SECISBP2L: variants seen among roughly 807,000 people sequenced by gnomAD.
SECISBP2L encodes the protein selenocysteine insertion sequence-binding protein 2-like.
Under a neutral mutation model 114.7 loss-of-function variants are expected in SECISBP2L, and 43 were observed. The ratio of observed to expected loss-of-function variants is 0.38; its 90% CI spans 0.29 to 0.48. SECISBP2L has a LOEUF of 0.48. Among genes scored for constraint, SECISBP2L ranks in the 20% least tolerant of loss-of-function variants. The probability of loss-of-function intolerance (pLI) is 0.98; values close to 1 mark genes in which losing one functional copy is unlikely to be tolerated. For missense variants in SECISBP2L, 1,136 were observed against 1,301.1 expected, an observed-to-expected ratio of 0.87 and a Z score of 1.95; for synonymous variants, 451 against 439.7, an observed-to-expected ratio of 1.03 and a Z score of -0.32.
intron 7 of SECISBP2L, among the ~76,000 whole-genome samples, chr15:49,026,098 A>G (rs1038457882): frequency 1.3e-5 from 2 of 152,166 alleles, no homozygotes; most frequent in South Asian, 2.1e-4. Flanking sequence ...CTAGAGGACA[A>G]TATGTTAAGT....
intron 11 of SECISBP2L, among the ~76,000 whole-genome samples, chr15:49,015,258 C>A (rs78833400): frequency 6.6e-6 from 1 of 152,142 alleles, no homozygotes; most frequent in African/African-American, 2.4e-5. Flanking sequence ...ACACTGCTAA[C>A]TCTCAGTTTT....
In SECISBP2L at chr15:48,993,098, AGAGT is replaced by A. The variant is rs1246234937; in HGVS notation, c.2624-176_2624-173del. Among the ~76,000 whole-genome samples the A allele has an allele frequency of 4.9e-5, 6 of 122,064 alleles. No individual in the cohort carries two copies. In the East Asian group the frequency reaches 6.9e-4, roughly 14 times the overall value. 80.1% of individuals were successfully genotyped at this position (122,064 alleles called of 152,430 possible). ...TTTAGTACTAGTTTGAGACAGAGAGAGAGTGTGTGTGTGTGTGTGTGTGTGTGTG... is the reference window on the plus strand; with the variant it reads ...TTTAGTACTAGTTTGAGACAGAGAGAGTGTGTGTGTGTGTGTGTGTGTGTG... On this transcript the variant is annotated intron_variant, in intron 17 of 17. Transcript: ENST00000559471.
At position 49,027,451 on chromosome 15, in the gene SECISBP2L, G is replaced by C; in HGVS notation, c.949C>G (p.Gln317Glu). The change falls in exon 7 of 18, where the codon CAG becomes GAG. Residue 317 changes from glutamine to glutamate, a missense_variant. Physicochemically the swap from Gln to Glu is conservative, Grantham distance 29. This residue lies in a region of SECISBP2L where 452 missense variants were observed against 452.3 expected (regional missense o/e 1.00). Coordinates refer to ENST00000559471, the MANE Select transcript of SECISBP2L (RefSeq NM_001193489.2). ...GGVNWSNVTC[Q>E]ATQKKPWMEK... Reference sequence around the variant, plus strand: ...ATCCAAGGTTTTTTCTGAGTTGCCTGGCAAGTTACATTGGACCAATTTACA... The same window carrying C: ...ATCCAAGGTTTTTTCTGAGTTGCCTCGCAAGTTACATTGGACCAATTTACA... The C allele has an allele frequency of 2.5e-6, 4 of 1,607,622 alleles. No individual in the cohort carries two copies. Among genetic ancestry groups the C allele is most frequent in the Non-Finnish European group, 2.6e-6 (3 of 1,175,850 alleles).
At chr15:48,997,676 C>A (rs1018845473) in intron 16 of SECISBP2L, among the ~76,000 whole-genome samples, 1 of 152,076 alleles carries the variant, frequency 6.6e-6, no homozygotes. Context: ...TTGAGACCAG[C>A]GTGACCAACA....
chr15:49,019,333 C>A, intron 8 of SECISBP2L, 85 bp downstream of exon 8: 1 of 1,091,448 alleles, frequency 9.2e-7, no homozygotes, highest in African/African-American at 1.6e-5. Context: ...ATAAAAAGTA[C>A]TCACAATGTT....
intron 1 of SECISBP2L, among the ~76,000 whole-genome samples, chr15:49,038,011 G>A (rs1030933245): frequency 6.6e-6 from 1 of 152,084 alleles, no homozygotes; most frequent in Admixed American, 6.5e-5. Flanking sequence ...TGTAATTAAA[G>A]CTGTTAAAAC....
intron 17 of SECISBP2L, among the ~76,000 whole-genome samples, chr15:48,993,994 T>C (rs78682933): frequency 1.3e-5 from 2 of 152,126 alleles, no homozygotes; most frequent in African/African-American, 4.8e-5. Flanking sequence ...GGCCTATATA[T>C]TGATATAGAA....
At chr15:49,045,730 G>T (rs180894042) in intron 1 of SECISBP2L, among the ~76,000 whole-genome samples, 82 of 152,096 alleles carry the variant, frequency 5.4e-4, no homozygotes, top group Non-Finnish European at 1.1e-3. Flanking sequence ...AAAATAACTG[G>T]ATAAAAGGAC....
At position 49,000,869 on chromosome 15, in the gene SECISBP2L, G is replaced by C. The variant is rs201969327; in HGVS notation, c.2248+8C>G. The C allele has an allele frequency of 3.4e-4, 548 of 1,609,424 alleles. No homozygotes were observed. The highest frequency in any genetic ancestry group is 4.4e-4 in the Non-Finnish European group (521 of 1,177,912). On this transcript the variant is annotated splice_region_variant and intron_variant, in intron 15 of 17. Coordinates refer to ENST00000559471, the MANE Select transcript of SECISBP2L (RefSeq NM_001193489.2). ...TATCAAAACACTTCAAAAGCAAAAAGCGCATACCTTTTGACTGGATTTTTT... is the reference window on the plus strand; with the variant it reads ...TATCAAAACACTTCAAAAGCAAAAACCGCATACCTTTTGACTGGATTTTTT...
rs756980340 is a variant in SECISBP2L at position 48,990,575 on chromosome 15, G to A, written c.*1669C>T. ...GACTAACATTTTCTACACAGCTCCT[G>A]AACTTTCACAATTCACAAATACTAA... is the stretch of plus-strand genomic sequence containing the variant. On this transcript the variant is annotated 3_prime_UTR_variant, in exon 18 of 18. Coordinates refer to ENST00000559471, the MANE Select transcript of SECISBP2L (RefSeq NM_001193489.2). 1.3e-5 allele frequency: 2 copies of A among 152,598 alleles called. No homozygotes were observed. The highest frequency in any genetic ancestry group is 1.5e-5 in the Non-Finnish European group (1 of 68,014). The allele number at this position is 152,598 out of a possible 1,614,324, so 9.5% of individuals were successfully genotyped here. A position where few individuals can be genotyped will look rare whatever the true frequency, so the allele number is the denominator to read the frequency against.
chr15:49,007,235 C>T (rs948605158), intron 14 of SECISBP2L, among the ~76,000 whole-genome samples: 3 of 152,224 alleles, frequency 2.0e-5, no homozygotes, highest in Non-Finnish European at 4.4e-5. Flanking sequence ...CTGTCAACCC[C>T]TGCTGGGAGG....
In SECISBP2L at chr15:48,993,518, T is replaced by C. The variant is rs933298689; in HGVS notation, c.2624-592A>G. ...GCTCAAGGACCCACAACCCAAGAGA[T>C]AGAAGAGCCAAGATGTCCAGCAATA... On this transcript the variant is annotated intron_variant, in intron 17 of 17. Coordinates refer to ENST00000559471, the MANE Select transcript of SECISBP2L (RefSeq NM_001193489.2). Among the ~76,000 whole-genome samples, 8 of 152,148 alleles carry C rather than the reference T, an allele frequency of 5.3e-5. No individual in the cohort carries two copies. In the South Asian group the frequency reaches 1.5e-3, roughly 28 times the overall value.
At position 49,012,698 on chromosome 15, in the gene SECISBP2L, C is replaced by T; in HGVS notation, c.1681G>A (p.Gly561Arg). ...AGTTTTGCAATTTCCTTCTCTTTTC[C>T]TTTTTTTGCTTTAGAAGAAGCAATG... ...VDIASSKAKK[G>R]KEKEIAKLKR... The change falls in exon 12 of 18, where the codon GGA becomes AGA. Residue 561 changes from glycine (G) to arginine (R), a missense_variant. Physicochemically the swap from Gly to Arg is moderately radical, Grantham distance 125. This residue lies in a region of SECISBP2L where 684 missense variants were observed against 848.7 expected (regional missense o/e 0.81). Coordinates refer to ENST00000559471, the MANE Select transcript of SECISBP2L (RefSeq NM_001193489.2). The T allele has an allele frequency of 6.2e-7, 1 of 1,613,404 alleles. No individual in the cohort carries two copies. Among genetic ancestry groups the T allele is most frequent in the Non-Finnish European group, 8.5e-7 (1 of 1,179,780 alleles).
intron 7 of SECISBP2L, among the ~76,000 whole-genome samples, chr15:49,022,534 G>A (rs144285691): frequency 0.018 from 2,715 of 151,626 alleles, 84 homozygotes; most frequent in African/African-American, 0.063. Flanking sequence ...CCCAGGAGGA[G>A]GAGGTTGCAG....
At chr15:49,010,098 C>T (rs1268426256) in intron 13 of SECISBP2L, among the ~76,000 whole-genome samples, 4 of 138,392 alleles carry the variant, frequency 2.9e-5, no homozygotes, top group Admixed American at 2.2e-4. Flanking sequence ...CACTACTGCA[C>T]TCCAGCCTGG....
intron 7 of SECISBP2L, among the ~76,000 whole-genome samples, chr15:49,022,119 T>C (rs886189126): frequency 6.6e-6 from 1 of 152,194 alleles, no homozygotes; most frequent in Non-Finnish European, 1.5e-5. Flanking sequence ...TTTGATTGAT[T>C]GACTAACTGC....
In SECISBP2L at chr15:49,046,359, T is replaced by A; in HGVS notation, c.-60A>T. The A allele has an allele frequency of 7.0e-7, 1 of 1,420,658 alleles. No homozygotes were observed. The allele number at this position is 1,420,658 out of a possible 1,614,324, so 88.0% of individuals were successfully genotyped here. A position where few individuals can be genotyped will look rare whatever the true frequency, so the allele number is the denominator to read the frequency against. On this transcript the variant is annotated 5_prime_UTR_variant, in exon 1 of 18. It introduces an in-frame stop codon into an upstream open reading frame of the 5' UTR. Coordinates refer to ENST00000559471, the MANE Select transcript of SECISBP2L (RefSeq NM_001193489.2). ...GTGTAAACAGCGCCTCGGGCCGCTTTCTCCATGGCCCCCCGCTCGGGTCCA... is the reference window on the plus strand; with the variant it reads ...GTGTAAACAGCGCCTCGGGCCGCTTACTCCATGGCCCCCCGCTCGGGTCCA...
intron 2 of SECISBP2L, among the ~76,000 whole-genome samples, chr15:49,036,613 A>G (rs532374668): frequency 2.6e-5 from 4 of 152,364 alleles, no homozygotes; most frequent in African/African-American, 9.6e-5. Context: ...ACATTATCCA[A>G]TATAGGCAAA....
chr15:49,021,717 A>T (rs2141075143), intron 7 of SECISBP2L, among the ~76,000 whole-genome samples: 1 of 152,268 alleles, frequency 6.6e-6, no homozygotes, highest in South Asian at 2.1e-4. Context: ...TTAAAAACAA[A>T]CGCAACCTGA....
Sources: allele counts gnomAD v4.1 joint callset (sites outside exome capture counted in the v4.1 genomes callset), GRCh38; gene constraint gnomAD v4.1.1; regional missense constraint gnomAD v4.1.1; transcripts MANE v1.5; gene names NCBI Gene and HGNC (gene_info 2026-07-23, HGNC 2026-07-21).